Variants in SLC25A26 observed in about 807,000 individuals in gnomAD.
SLC25A26 encodes solute carrier family 25 member 26.
A neutral mutation model predicts 37.8 loss-of-function variants in SLC25A26; 36 were observed. That is an observed-to-expected ratio of 0.95 (90% confidence interval 0.73 to 1.26). The LOEUF (loss-of-function observed/expected upper bound fraction) is 1.26, where lower values mean the gene tolerates loss of function less well. SLC25A26 is among the 50% of genes most tolerant of loss of function. The probability of loss-of-function intolerance (pLI) is 0.00; values close to 1 mark genes in which losing one functional copy is unlikely to be tolerated. For synonymous variants in SLC25A26, 129 were observed against 122.5 expected (o/e 1.05, Z -0.35); for missense variants, 390 against 331.1 (o/e 1.18, Z -1.38).
intron 6 of SLC25A26, among the ~76,000 whole-genome samples, chr3:66,359,227 A>G (rs144308573): frequency 8.2e-4 from 125 of 152,350 alleles, no homozygotes; most frequent in South Asian, 2.3e-3. Context: ...TCCCTAGATT[A>G]TAACAGGCAC....
chr3:66,175,191 T>TAC (rs1178437104), intron 1 of SLC25A26, among the ~76,000 whole-genome samples: 34 of 148,200 alleles, frequency 2.3e-4, no homozygotes, highest in African/African-American at 7.7e-4. Flanking sequence ...TACATATATA[T>TAC]ACACACACAC....
At chr3:66,277,733 A>G (rs573868003) in intron 5 of SLC25A26, among the ~76,000 whole-genome samples, 13 of 152,242 alleles carry the variant, frequency 8.5e-5, no homozygotes, top group Non-Finnish European at 1.3e-4. Context: ...GGCAGTCACT[A>G]TTTTATCCAA....
chr3:66,319,173 C>T (rs1317361809), intron 5 of SLC25A26, among the ~76,000 whole-genome samples: 1 of 152,132 alleles, frequency 6.6e-6, no homozygotes, highest in Non-Finnish European at 1.5e-5. Context: ...ACCAAAGTTA[C>T]TGAAGTAGAG....
chr3:66,219,835 T>C (rs1274807754), upstream of SLC25A26, among the ~76,000 whole-genome samples: 2 of 152,280 alleles, frequency 1.3e-5, no homozygotes, highest in African/African-American at 2.4e-5. Context: ...ATTTAATCTA[T>C]TAATATAATA....
intron 1 of SLC25A26, among the ~76,000 whole-genome samples, chr3:66,182,142 G>C (rs1375430630): frequency 5.3e-5 from 8 of 152,186 alleles, no homozygotes; most frequent in Admixed American, 5.2e-4. Flanking sequence ...TGGTGGAGCA[G>C]ATAATCAATA....
chr3:66,230,480 T>G (rs2071961480), intron 1 of SLC25A26, among the ~76,000 whole-genome samples: 1 of 151,906 alleles, frequency 6.6e-6, no homozygotes, highest in Non-Finnish European at 1.5e-5. Context: ...GGTGGTTTGC[T>G]GGCTGCAATA....
intron 5 of SLC25A26, among the ~76,000 whole-genome samples, chr3:66,323,125 G>C (rs2075741376): frequency 6.6e-6 from 1 of 152,168 alleles, no homozygotes; most frequent in African/African-American, 2.4e-5. Flanking sequence ...TCCTCTCTGA[G>C]GTGGAAGAGC....
At position 66,150,654 on chromosome 3, in the gene SLC25A26, A is replaced by C. The variant is rs1328045580; in HGVS notation, c.-354+16670A>C. 3.8e-4 allele frequency among the ~76,000 whole-genome samples: 32 copies of C among 83,542 alleles called. No individual in the cohort carries two copies. In the East Asian group the frequency reaches 0.01, roughly 27 times the overall value. 54.8% of individuals were successfully genotyped at this position (83,542 alleles called of 152,430 possible). A position where few individuals can be genotyped will look rare whatever the true frequency, so the allele number is the denominator to read the frequency against. ...TATATATATATATATATATATATAT[A>C]TCATGGCACTTGGAGGAGCAGTAAT... is the stretch of plus-strand genomic sequence containing the variant. On this transcript the variant is annotated intron_variant, in intron 1 of 10. Transcript: ENST00000676754.
chr3:66,331,482 C>A (rs1289694428), intron 5 of SLC25A26, among the ~76,000 whole-genome samples: 3 of 151,128 alleles, frequency 2.0e-5, no homozygotes, highest in African/African-American at 4.8e-5. Context: ...ATTTCCAAGA[C>A]TTCTTTATTT....
intron 3 of SLC25A26, among the ~76,000 whole-genome samples, chr3:66,248,608 G>A (rs1033553727): frequency 3.3e-5 from 5 of 152,032 alleles, no homozygotes; most frequent in African/African-American, 9.7e-5. Context: ...CTTCACCCTT[G>A]AAAGCAGCAA....
At chr3:66,356,343 C>T (rs1246364538) in intron 6 of SLC25A26, among the ~76,000 whole-genome samples, 1 of 152,148 alleles carries the variant, frequency 6.6e-6, no homozygotes, top group Non-Finnish European at 1.5e-5. Context: ...CAAACTACTT[C>T]ATGCTATTCT....
At chr3:66,170,993 C>T (rs1159430661) in intron 1 of SLC25A26, among the ~76,000 whole-genome samples, 7 of 150,632 alleles carry the variant, frequency 4.6e-5, no homozygotes, top group South Asian at 4.2e-4. Flanking sequence ...TTAGTAGAGA[C>T]GGGGTTTCAC....
At chr3:66,272,863 C>T (rs1449061706) in intron 5 of SLC25A26, among the ~76,000 whole-genome samples, 1 of 152,168 alleles carries the variant, frequency 6.6e-6, no homozygotes, top group Non-Finnish European at 1.5e-5. Flanking sequence ...GCATCGCTGT[C>T]TTGTGCCAGT....
chr3:66,314,153 A>G (rs886135400), intron 5 of SLC25A26, among the ~76,000 whole-genome samples: 7 of 152,088 alleles, frequency 4.6e-5, no homozygotes, highest in Non-Finnish European at 8.8e-5. Flanking sequence ...TTCCAATACT[A>G]TGTTGAATAG....
intron 5 of SLC25A26, among the ~76,000 whole-genome samples, chr3:66,303,120 A>T (rs926802899): frequency 6.6e-6 from 1 of 152,176 alleles, no homozygotes; most frequent in Non-Finnish European, 1.5e-5. Flanking sequence ...TATAGTAGTT[A>T]TCATGGTCTA....
In SLC25A26 at chr3:66,362,870, C is replaced by A; in HGVS notation, c.509C>A (p.Ser170Tyr). The stretch of plus-strand genomic sequence containing the variant: ...TCTCCTTAAACACAGGCCCTCTGGT[C>A]CTGGAGGCAGGATCATGTGGTGGAT... Reference protein sequence around the residue: ...PLWESLKALWSWRQDHVVDSW... With the variant: ...PLWESLKALWYWRQDHVVDSW... The change falls in exon 7 of 10, where the codon TCC (serine) becomes TAC (tyrosine). Residue 170 changes from serine (S) to tyrosine (Y), a missense_variant. Coordinates refer to ENST00000354883, the MANE Select transcript of SLC25A26 (RefSeq NM_001379210.1). 1 of 1,604,200 alleles carries A rather than the reference C, an allele frequency of 6.2e-7. No individual in the cohort carries two copies. Among genetic ancestry groups the A allele is most frequent in the South Asian group, 1.1e-5 (1 of 88,706 alleles).
chr3:66,165,688 A>G (rs1289872282), intron 1 of SLC25A26, among the ~76,000 whole-genome samples: 2 of 152,190 alleles, frequency 1.3e-5, no homozygotes, highest in Non-Finnish European at 2.9e-5. Flanking sequence ...GAAAACTATC[A>G]AAAGCATATG....
chr3:66,319,377 A>G (rs1188369681), intron 5 of SLC25A26, among the ~76,000 whole-genome samples: 1 of 152,180 alleles, frequency 6.6e-6, no homozygotes, highest in Admixed American at 6.5e-5. Flanking sequence ...AAGATACCAT[A>G]CTAGTATATA....
At chr3:66,348,053 C>A (rs1435712391) in intron 6 of SLC25A26, among the ~76,000 whole-genome samples, 1 of 152,160 alleles carries the variant, frequency 6.6e-6, no homozygotes, top group Non-Finnish European at 1.5e-5. Context: ...TGGGTTGATA[C>A]ATGCAACAAA....
Sources: allele counts gnomAD v4.1 joint callset (sites outside exome capture counted in the v4.1 genomes callset), GRCh38; gene constraint gnomAD v4.1.1; transcripts MANE v1.5; gene names NCBI Gene and HGNC (gene_info 2026-07-23, HGNC 2026-07-21).